The following EXOC4 variants were observed in gnomAD, a reference collection of about 807,000 sequenced individuals.
The protein encoded by EXOC4 is exocyst complex component 4.
A neutral mutation model predicts 107.2 loss-of-function variants in EXOC4; 71 were observed. That is an observed-to-expected ratio of 0.66 (90% CI 0.55 to 0.81). The LOEUF is 0.81. Among genes scored for constraint, EXOC4 ranks in the 30% least tolerant of loss-of-function variants. The pLI is 0.00. For synonymous variants in EXOC4, 456 were observed against 441.2 expected, an observed-to-expected ratio of 1.03 and a Z score of -0.42; for missense variants, 1,108 against 1,189.6, an observed-to-expected ratio of 0.93 and a Z score of 1.01.
intron 7 of EXOC4, among the ~76,000 whole-genome samples, chr7:133,393,039 C>T (rs981682622): frequency 2.0e-5 from 3 of 152,052 alleles, no homozygotes; most frequent in African/African-American, 7.2e-5. Context: ...TGACTCTGTC[C>T]TTTCCTACAG....
rs1164488039 is a variant in EXOC4, at chr7:133,895,745, C to T, written c.1871+10C>T. ...GCACTGCAGCTTACAGGTAGAGCTTCTGTTAGGGGCTAAGCAAAGTAACGT... is the reference window on the plus strand; with the variant it reads ...GCACTGCAGCTTACAGGTAGAGCTTTTGTTAGGGGCTAAGCAAAGTAACGT... On this transcript the variant is annotated intron_variant, in intron 12 of 17. Transcript: ENST00000253861. The T allele has an allele frequency of 6.2e-7, 1 of 1,612,090 alleles. No individual in the cohort carries two copies. Among genetic ancestry groups the T allele is most frequent in the East Asian group, 2.2e-5 (1 of 44,838 alleles).
In EXOC4 at chr7:133,895,383, C is replaced by G. The variant is rs572266937; in HGVS notation, c.1735-216C>G. Reference sequence around the variant, plus strand: ...CTCAGATGGAAATGCAGAAATCACCCGTCTTCTGCGTCGCTCACGCTGGGA... The same window carrying G: ...CTCAGATGGAAATGCAGAAATCACCGGTCTTCTGCGTCGCTCACGCTGGGA... On this transcript the variant is annotated intron_variant, in intron 11 of 17. Coordinates refer to ENST00000253861, the MANE Select transcript of EXOC4 (RefSeq NM_021807.4). Among the ~76,000 whole-genome samples, 124 of 152,086 alleles carry G rather than the reference C, an allele frequency of 8.2e-4. 1 individual carries two copies. Among genetic ancestry groups the G allele is most frequent in the Middle Eastern group, 6.8e-3 (2 of 294 alleles).
intron 9 of EXOC4, among the ~76,000 whole-genome samples, chr7:133,558,675 C>A (rs1015496453): frequency 6.6e-6 from 1 of 150,972 alleles, no homozygotes; most frequent in Non-Finnish European, 1.5e-5. Flanking sequence ...AGTTTTTTTC[C>A]GTAGGCTGTG....
rs974749432 is a variant in EXOC4 at position 134,010,665 on chromosome 7, G to A, written c.2687+2830G>A. ...AGCAATGTTTAATCAAGCATGGACA[G>A]CATCTGTATTTCCAGCAAATCTCTA... On this transcript the variant is annotated intron_variant, in intron 17 of 17. Transcript: ENST00000253861. 1.4e-4 allele frequency among the ~76,000 whole-genome samples: 22 copies of A among 152,318 alleles called. No individual in the cohort carries two copies. The Middle Eastern group carries it at 0.014, about 94-fold the overall frequency.
intron 11 of EXOC4, among the ~76,000 whole-genome samples, chr7:133,862,831 A>T (rs769751633): frequency 6.6e-5 from 10 of 152,196 alleles, no homozygotes; most frequent in Admixed American, 5.2e-4. Flanking sequence ...GCAATGTGAC[A>T]GATTTATGTC....
intron 11 of EXOC4, among the ~76,000 whole-genome samples, chr7:133,827,379 G>T (rs1249707982): frequency 6.6e-6 from 1 of 152,094 alleles, no homozygotes; most frequent in Non-Finnish European, 1.5e-5. Context: ...GATCTCATCT[G>T]ACTAGCTGGT....
At chr7:133,950,893 T>C (rs1055325694) in intron 14 of EXOC4, among the ~76,000 whole-genome samples, 1 of 152,254 alleles carries the variant, frequency 6.6e-6, no homozygotes, top group Non-Finnish European at 1.5e-5. Flanking sequence ...ATCTTATTAC[T>C]TGTTTAATGG....
At position 133,652,853 on chromosome 7, in the gene EXOC4, A is replaced by G. The variant is rs117839890; in HGVS notation, c.1514+22712A>G. Among the ~76,000 whole-genome samples, 722 of 152,302 alleles carry G rather than the reference A, an allele frequency of 4.7e-3. 3 individuals are homozygous for G. Among genetic ancestry groups the G allele is most frequent in the Non-Finnish European group, 8.0e-3 (545 of 68,028 alleles). On this transcript the variant is annotated intron_variant, in intron 10 of 17. Coordinates refer to ENST00000253861, the MANE Select transcript of EXOC4 (RefSeq NM_021807.4). ...ATAGCTTTAATGCTTTTGTGGCAAT[A>G]TCCTAAAAGTTTACAGACCACGTGC...
intron 10 of EXOC4, among the ~76,000 whole-genome samples, chr7:133,783,382 T>C (rs1796506460): frequency 6.6e-6 from 1 of 152,240 alleles, no homozygotes. Context: ...ATATGGACTT[T>C]GATGCTTACA....
chr7:133,345,628 T>G (rs1199790332), intron 5 of EXOC4, among the ~76,000 whole-genome samples: 1 of 152,132 alleles, frequency 6.6e-6, no homozygotes, highest in Non-Finnish European at 1.5e-5. Flanking sequence ...ATGTCAATTT[T>G]GTTTATTTAT....
chr7:134,030,909 TC>T (rs1321384720), intron 17 of EXOC4, among the ~76,000 whole-genome samples: 1 of 152,104 alleles, frequency 6.6e-6, no homozygotes, highest in African/African-American at 2.4e-5. Flanking sequence ...TTTGCATCTT[TC>T]CCTATAACTT....
chr7:133,474,107 T>C (rs1798951311), intron 7 of EXOC4, among the ~76,000 whole-genome samples: 1 of 152,204 alleles, frequency 6.6e-6, no homozygotes, highest in African/African-American at 2.4e-5. Context: ...GACTTACTGC[T>C]GGCATTTTGT....
intron 10 of EXOC4, among the ~76,000 whole-genome samples, chr7:133,695,451 T>C (rs990071378): frequency 1.3e-5 from 2 of 152,150 alleles, no homozygotes; most frequent in African/African-American, 2.4e-5. Context: ...TAGGTATCTT[T>C]GATATATTGA....
At chr7:133,763,968 AAAAT>A (rs1200576038) in intron 10 of EXOC4, among the ~76,000 whole-genome samples, 3 of 152,066 alleles carry the variant, frequency 2.0e-5, no homozygotes, top group Non-Finnish European at 4.4e-5. Flanking sequence ...GTAGCCATAA[AAAAT>A]AAACCACAAA....
chr7:133,354,109 T>C (rs1051565845), intron 5 of EXOC4, among the ~76,000 whole-genome samples: 15 of 152,236 alleles, frequency 9.9e-5, no homozygotes, highest in African/African-American at 3.6e-4. Flanking sequence ...TTTTTTTTCT[T>C]AATATATCTA....
chr7:133,884,443 C>A (rs1373323752), intron 11 of EXOC4, among the ~76,000 whole-genome samples: 1 of 152,170 alleles, frequency 6.6e-6, no homozygotes, highest in Non-Finnish European at 1.5e-5. Flanking sequence ...AGATGTTTAT[C>A]CTAGATAAGG....
Position 133,593,390 on chromosome 7 carries a change from G to A in EXOC4, c.1418-36655G>A, listed in dbSNP as rs113054607. Among the ~76,000 whole-genome samples the A allele has an allele frequency of 1.6e-3, 245 of 152,224 alleles. 1 individual carries two copies. The highest frequency in any genetic ancestry group is 5.8e-3 in the African/African-American group (239 of 41,528). On this transcript the variant is annotated intron_variant, in intron 9 of 17. Transcript: ENST00000253861. ...AACTCCAGTAATCCTTACCCAGCAG[G>A]CATAACCTTCAGAGTCTAGCAGAAT...
In EXOC4 at chr7:133,439,244, G is replaced by A. The variant is rs1050396864; in HGVS notation, c.1183-36084G>A. ...TGTCTCGCCAGGCTGGAGTGCAGTG[G>A]GGCGATCTCGGCTTACTGCAACCTC... On this transcript the variant is annotated intron_variant, in intron 7 of 17. Coordinates refer to ENST00000253861, the MANE Select transcript of EXOC4 (RefSeq NM_021807.4). Among the ~76,000 whole-genome samples, 4 of 135,342 alleles carry A rather than the reference G, an allele frequency of 3.0e-5. No individual in the cohort carries two copies. The Admixed American group carries it at 3.4e-4, about 11-fold the overall frequency. The allele number at this position is 135,342 out of a possible 152,430, so 88.8% of individuals were successfully genotyped here.
At chr7:133,339,660 T>C (rs964353914) in intron 5 of EXOC4, among the ~76,000 whole-genome samples, 41 of 152,218 alleles carry the variant, frequency 2.7e-4, no homozygotes, top group African/African-American at 9.9e-4. Flanking sequence ...TGTTTCCATT[T>C]GTTTGTGTTG....
Sources: gnomAD v4.1 joint callset for allele counts (sites outside exome capture counted in the v4.1 genomes callset) on GRCh38, gnomAD v4.1.1 for gene constraint, MANE v1.5 for transcripts, NCBI Gene and HGNC (gene_info 2026-07-23, HGNC 2026-07-21) for gene names.